STT3B: variants seen among roughly 807,000 people sequenced by gnomAD.
STT3B encodes the protein STT3 oligosaccharyltransferase complex catalytic subunit B, also known as dolichyl-diphosphooligosaccharide--protein glycosyltransferase subunit STT3B.
In STT3B, 29 loss-of-function variants were observed where a neutral mutation model predicts 96.8. That is an observed-to-expected ratio of 0.30 (90% CI 0.22 to 0.41). The LOEUF (loss-of-function observed/expected upper bound fraction) is 0.41. STT3B is among the 10% of genes least tolerant of loss of function. STT3B has a pLI of 1.00. For synonymous variants in STT3B, 367 were observed against 360.0 expected (o/e 1.02, Z -0.22); for missense variants, 640 against 1,022.3 (o/e 0.63, Z 5.10).
intron 4 of STT3B, among the ~76,000 whole-genome samples, chr3:31,597,899 G>A (rs1486909127): frequency 3.4e-5 from 5 of 148,988 alleles, no homozygotes; most frequent in South Asian, 2.1e-4. Context: ...GCAGTGGTAC[G>A]ATCTCGGCTC....
At chr3:31,605,024 A>G (rs1699016819) in intron 5 of STT3B, among the ~76,000 whole-genome samples, 1 of 152,194 alleles carries the variant, frequency 6.6e-6, no homozygotes, top group Admixed American at 6.5e-5. Context: ...TAATATATGA[A>G]AGGTGCTTAA....
intron 1 of STT3B, among the ~76,000 whole-genome samples, chr3:31,540,609 A>G (rs1697242090): frequency 6.6e-6 from 1 of 152,118 alleles, no homozygotes; most frequent in Non-Finnish European, 1.5e-5. Context: ...TAAACTTTAA[A>G]TATTGGTGCT....
At chr3:31,625,932 C>T in intron 12 of STT3B, 22 bp from the exon 13 acceptor site, 1 of 1,549,072 alleles carries the variant, frequency 6.5e-7, no homozygotes, top group Non-Finnish European at 8.7e-7. Flanking sequence ...AAAACATTCT[C>T]ATTTTTTTTT....
chr3:31,631,824 C>A (rs1299479123), intron 14 of STT3B, among the ~76,000 whole-genome samples: 1 of 151,984 alleles, frequency 6.6e-6, no homozygotes, highest in Non-Finnish European at 1.5e-5. Flanking sequence ...TTTACTTATG[C>A]TAGATTTGTA....
At chr3:31,628,262 AT>A (rs1699578009) in intron 13 of STT3B, among the ~76,000 whole-genome samples, 1 of 151,860 alleles carries the variant, frequency 6.6e-6, no homozygotes, top group South Asian at 2.1e-4. Context: ...ATCACTGGTT[AT>A]TTTCTTGTGA....
chr3:31,619,635 T>C (rs772834284), intron 8 of STT3B, 41 bp from the exon 9 acceptor site: 1 of 1,546,418 alleles, frequency 6.5e-7, no homozygotes, highest in South Asian at 1.2e-5. Context: ...ACTCCTGTTT[T>C]ATCACTTAAT....
At chr3:31,625,147 A>G in intron 12 of STT3B, 62 bp downstream of exon 12, 1 of 1,442,714 alleles carries the variant, frequency 6.9e-7, no homozygotes, top group Non-Finnish European at 9.4e-7. Context: ...ATCAGGCTTC[A>G]CTTGTGACTA....
chr3:31,574,974 A>G (rs1228784791), intron 1 of STT3B, among the ~76,000 whole-genome samples: 1 of 151,970 alleles, frequency 6.6e-6, no homozygotes, highest in Non-Finnish European at 1.5e-5. Context: ...CCTTTATGCT[A>G]TTTAGCCTAT....
intron 3 of STT3B, among the ~76,000 whole-genome samples, chr3:31,586,899 C>T (rs904155723): frequency 2.0e-5 from 3 of 152,150 alleles, no homozygotes; most frequent in East Asian, 1.9e-4. Context: ...ACTTCTTTAA[C>T]GGAAAAGCCT....
intron 5 of STT3B, among the ~76,000 whole-genome samples, chr3:31,612,346 A>G (rs1386440776): frequency 1.3e-5 from 2 of 152,220 alleles, no homozygotes; most frequent in Admixed American, 1.3e-4. Flanking sequence ...CAGTTCTCTT[A>G]AAAGTAAATG....
At chr3:31,554,437 G>A (rs1365875117) in intron 1 of STT3B, among the ~76,000 whole-genome samples, 1 of 152,012 alleles carries the variant, frequency 6.6e-6, no homozygotes, top group Non-Finnish European at 1.5e-5. Flanking sequence ...TTGTTTTGCT[G>A]TTTTGTTTTC....
chr3:31,594,717 G>GCCCC (rs2125460547), intron 3 of STT3B, among the ~76,000 whole-genome samples: 1 of 152,318 alleles, frequency 6.6e-6, no homozygotes, highest in East Asian at 1.9e-4. Context: ...ACTGGGCCCA[G>GCCCC]CCCCCCTTCA....
At chr3:31,567,271 T>C (rs1227990099) in intron 1 of STT3B, among the ~76,000 whole-genome samples, 1 of 152,188 alleles carries the variant, frequency 6.6e-6, no homozygotes, top group Non-Finnish European at 1.5e-5. Flanking sequence ...GCTGCACCTC[T>C]TTACCCTCCT....
chr3:31,609,659 A>G (rs1231523155), intron 5 of STT3B, among the ~76,000 whole-genome samples: 2 of 152,012 alleles, frequency 1.3e-5, no homozygotes, highest in Non-Finnish European at 2.9e-5. Context: ...CAGTGGTGCC[A>G]TCTCGGTTCA....
intron 5 of STT3B, among the ~76,000 whole-genome samples, chr3:31,604,979 C>T (rs900318903): frequency 6.6e-6 from 1 of 152,058 alleles, no homozygotes; most frequent in Non-Finnish European, 1.5e-5. Flanking sequence ...ATAATAGTTA[C>T]CTTACAGATT....
intron 1 of STT3B, among the ~76,000 whole-genome samples, chr3:31,537,003 C>CT (rs1039025045): frequency 7.2e-5 from 11 of 152,180 alleles, no homozygotes; most frequent in African/African-American, 1.4e-4. Context: ...TGTGAGAGCT[C>CT]TTTTTTCCCT....
At position 31,575,182 on chromosome 3, in the gene STT3B, A is replaced by G. The variant is rs557994454; in HGVS notation, c.315-1214A>G. Among the ~76,000 whole-genome samples, 4 of 152,258 alleles carry G rather than the reference A, an allele frequency of 2.6e-5. No individual in the cohort carries two copies. In the East Asian group the frequency reaches 5.8e-4, roughly 22 times the overall value. On this transcript the variant is annotated intron_variant, in intron 1 of 15. Transcript: ENST00000295770. Reference sequence around the variant, plus strand: ...ATGAAGAAACTAGAATGCAGAGAACATAAGTAACTTGCCCAACCAAGGTCA... The same window carrying G: ...ATGAAGAAACTAGAATGCAGAGAACGTAAGTAACTTGCCCAACCAAGGTCA...
chr3:31,607,802 G>T (rs1699089600), intron 5 of STT3B, among the ~76,000 whole-genome samples: 2 of 152,042 alleles, frequency 1.3e-5, no homozygotes, highest in Admixed American at 1.3e-4. Context: ...ATCTCATTAA[G>T]TTGCCCAGGG....
intron 1 of STT3B, among the ~76,000 whole-genome samples, chr3:31,548,569 A>G (rs929118629): frequency 6.6e-6 from 1 of 152,224 alleles, no homozygotes; most frequent in Non-Finnish European, 1.5e-5. Context: ...TATTTTAAAT[A>G]TGTTAAGGAT....
Sources: gnomAD v4.1 joint callset for allele counts (sites outside exome capture counted in the v4.1 genomes callset) on GRCh38, gnomAD v4.1.1 for gene constraint, MANE v1.5 for transcripts, NCBI Gene and HGNC (gene_info 2026-07-23, HGNC 2026-07-21) for gene names.